The following PPARGC1A variants were observed in gnomAD, a reference collection of about 807,000 sequenced individuals.
The protein encoded by PPARGC1A is peroxisome proliferator-activated receptor gamma coactivator 1-alpha.
In PPARGC1A, 25 loss-of-function variants were observed where a neutral mutation model predicts 88.7. The ratio of observed to expected loss-of-function variants is 0.28; its 90% confidence interval spans 0.21 to 0.39. PPARGC1A has a LOEUF of 0.39. Ranked by LOEUF, PPARGC1A falls within the 10% of genes least tolerant of loss-of-function variation. The pLI, the probability that PPARGC1A is intolerant of heterozygous loss-of-function variation, is 1.00. For missense variants in PPARGC1A, 880 were observed against 968.7 expected (o/e 0.91, Z 1.22); for synonymous variants, 363 against 355.6 (o/e 1.02, Z -0.24).
At chr4:24,117,610 A>G in the PPARGC1A span, among the ~76,000 whole-genome samples, 2 of 151,492 alleles carry the variant, frequency 1.3e-5, no homozygotes, top group Non-Finnish European at 2.9e-5. Context: ...AGCACCAGGC[A>G]CACAATGACA....
the PPARGC1A span, among the ~76,000 whole-genome samples, chr4:24,310,817 A>G: frequency 2.0e-5 from 3 of 152,294 alleles, no homozygotes; most frequent in African/African-American, 7.2e-5. Context: ...CACATAAAAA[A>G]CTAGAGAAGT....
chr4:23,906,273 G>T (rs557064679), upstream of PPARGC1A, among the ~76,000 whole-genome samples: 1 of 152,096 alleles, frequency 6.6e-6, no homozygotes, highest in African/African-American at 2.4e-5. Context: ...CCAAACAAAG[G>T]CCGGAGTAAA....
chr4:24,047,195 C>A, the PPARGC1A span, among the ~76,000 whole-genome samples: 1 of 152,188 alleles, frequency 6.6e-6, no homozygotes, highest in Non-Finnish European at 1.5e-5. Flanking sequence ...CAGAGTGATG[C>A]TCTCTCTACT....
chr4:24,469,406 C>T, the PPARGC1A span, among the ~76,000 whole-genome samples: 38 of 152,352 alleles, frequency 2.5e-4, no homozygotes, highest in African/African-American at 9.1e-4. Flanking sequence ...GTAAGATTCA[C>T]TGCCCCGGCT....
the PPARGC1A span, among the ~76,000 whole-genome samples, chr4:24,086,717 G>A: frequency 6.6e-6 from 1 of 152,132 alleles, no homozygotes; most frequent in Admixed American, 6.5e-5. Context: ...AAAAAACACT[G>A]AATAGCTGGT....
the PPARGC1A span, among the ~76,000 whole-genome samples, chr4:24,227,587 G>A: frequency 6.6e-6 from 1 of 152,146 alleles, no homozygotes; most frequent in Non-Finnish European, 1.5e-5. Flanking sequence ...TATCAGTCAT[G>A]GTACAGACAT....
At chr4:24,356,041 A>G in the PPARGC1A span, among the ~76,000 whole-genome samples, 2 of 152,036 alleles carry the variant, frequency 1.3e-5, no homozygotes, top group Non-Finnish European at 2.9e-5. Context: ...TACTAAAAAT[A>G]TAAACATTAG....
the PPARGC1A span, among the ~76,000 whole-genome samples, chr4:24,034,180 C>T: frequency 2.0e-5 from 3 of 152,114 alleles, no homozygotes; most frequent in African/African-American, 7.2e-5. Context: ...TTTCAAGATA[C>T]TTAAGATAGA....
At chr4:24,392,741 T>G in the PPARGC1A span, among the ~76,000 whole-genome samples, 2 of 152,156 alleles carry the variant, frequency 1.3e-5, no homozygotes, top group African/African-American at 4.8e-5. Context: ...AGAATCAGAC[T>G]TCTTTCCAGA....
At chr4:24,161,001 G>C in the PPARGC1A span, among the ~76,000 whole-genome samples, 1 of 152,144 alleles carries the variant, frequency 6.6e-6, no homozygotes, top group Admixed American at 6.5e-5. Flanking sequence ...TAGAATGAAA[G>C]TTTTCAGATC....
the PPARGC1A span, among the ~76,000 whole-genome samples, chr4:24,188,481 A>G: frequency 1.3e-5 from 2 of 152,106 alleles, no homozygotes; most frequent in Non-Finnish European, 2.9e-5. Flanking sequence ...ATTCCCCTTT[A>G]TCATTCTCCT....
the PPARGC1A span, among the ~76,000 whole-genome samples, chr4:24,125,869 G>T: frequency 6.6e-6 from 1 of 152,156 alleles, no homozygotes; most frequent in Non-Finnish European, 1.5e-5. Flanking sequence ...GAGGAGTCTC[G>T]CAGGGCTCCT....
At chr4:24,405,522 A>G in the PPARGC1A span, among the ~76,000 whole-genome samples, 1 of 152,202 alleles carries the variant, frequency 6.6e-6, no homozygotes, top group East Asian at 1.9e-4. Context: ...AATCTGTTCT[A>G]TAATCAGTGC....
chr4:24,094,680 A>T, the PPARGC1A span, among the ~76,000 whole-genome samples: 1 of 152,238 alleles, frequency 6.6e-6, no homozygotes, highest in Non-Finnish European at 1.5e-5. Flanking sequence ...GCTCTATATG[A>T]ATTCAATGCT....
the PPARGC1A span, among the ~76,000 whole-genome samples, chr4:24,436,779 C>CA: frequency 7.1e-6 from 1 of 140,810 alleles, no homozygotes. Context: ...CCCCAGAGCC[C>CA]GGGTCACAGA....
chr4:24,301,038 TAA>T, the PPARGC1A span, among the ~76,000 whole-genome samples: 62 of 151,474 alleles, frequency 4.1e-4, no homozygotes, highest in African/African-American at 1.3e-3. Flanking sequence ...TCTTTATTCA[TAA>T]AGAGAAGGAA....
In PPARGC1A at chr4:23,803,923, G is replaced by A. The variant is rs938579449; in HGVS notation, c.2020-1578C>T. Among the ~76,000 whole-genome samples the A allele has an allele frequency of 8.5e-5, 13 of 152,268 alleles. No individual in the cohort carries two copies. In the South Asian group the frequency reaches 1.2e-3, roughly 15 times the overall value. On this transcript the variant is annotated intron_variant, in intron 10 of 12. Coordinates refer to ENST00000264867, the MANE Select transcript of PPARGC1A (RefSeq NM_013261.5). ...AATGGTTTTCCTTTTCTTATGCCCAGTATTTGGCCAAGAATCTGGTAAGGA... is the reference window on the plus strand; with the variant it reads ...AATGGTTTTCCTTTTCTTATGCCCAATATTTGGCCAAGAATCTGGTAAGGA...
the PPARGC1A span, among the ~76,000 whole-genome samples, chr4:24,085,431 G>C: frequency 6.6e-6 from 1 of 152,188 alleles, no homozygotes; most frequent in Non-Finnish European, 1.5e-5. Flanking sequence ...AAACAGCTCA[G>C]AGAAATAAGG....
chr4:24,049,233 TATAAATATATATACAC>T, the PPARGC1A span, among the ~76,000 whole-genome samples: 7 of 142,240 alleles, frequency 4.9e-5, no homozygotes, highest in African/African-American at 1.5e-4. Flanking sequence ...TATACATATA[TATAAATATATATACAC>T]ATATATGTAT....
Sources: gnomAD v4.1 joint callset for allele counts (sites outside exome capture counted in the v4.1 genomes callset) on GRCh38, gnomAD v4.1.1 for gene constraint, MANE v1.5 for transcripts, NCBI Gene and HGNC (gene_info 2026-07-23, HGNC 2026-07-21) for gene names.